Variants in AKT3 observed in about 807,000 individuals in gnomAD.
AKT3 encodes AKT serine/threonine kinase 3, also known as RAC-gamma serine/threonine-protein kinase.
A neutral mutation model predicts 65.3 loss-of-function variants in AKT3; 15 were observed. The observed-to-expected ratio is 0.23, with a 90% CI of 0.15 to 0.35. The LOEUF (loss-of-function observed/expected upper bound fraction) is 0.35. Ranked by LOEUF, AKT3 falls within the 10% of genes least tolerant of loss-of-function variation. The probability of loss-of-function intolerance (pLI) is 1.00; values close to 1 mark genes in which losing one functional copy is unlikely to be tolerated. For synonymous variants in AKT3, 206 were observed against 183.8 expected, an observed-to-expected ratio of 1.12 and a Z score of -0.98; for missense variants, 243 against 576.5, an observed-to-expected ratio of 0.42 and a Z score of 5.92.
At chr1:243,740,875 G>A (rs1419396234) in intron 2 of AKT3, 1 of 152,088 alleles carries the variant, frequency 6.6e-6, no homozygotes, top group Non-Finnish European at 1.5e-5. Context: ...AGGCCAGGTA[G>A]GAAAGAATGA....
intron 2 of AKT3, among the ~76,000 whole-genome samples, chr1:243,794,053 G>C (rs1018323288): frequency 2.6e-5 from 4 of 152,146 alleles, no homozygotes; most frequent in African/African-American, 9.7e-5. Flanking sequence ...TTTTGAGACA[G>C]GGTCTCATTC....
At chr1:243,491,873 C>T (rs189100506) in intron 13 of AKT3, among the ~76,000 whole-genome samples, 2 of 152,254 alleles carry the variant, frequency 1.3e-5, no homozygotes, top group African/African-American at 2.4e-5. Context: ...TAAAGGCTTC[C>T]GTTTTCTCAG....
At chr1:243,506,377 A>G (rs1669669043) in intron 13 of AKT3, among the ~76,000 whole-genome samples, 1 of 152,212 alleles carries the variant, frequency 6.6e-6, no homozygotes, top group Non-Finnish European at 1.5e-5. Flanking sequence ...CCTCAAACCC[A>G]TATAGGAAGT....
chr1:243,499,198 G>A (rs183662568), downstream of AKT3, among the ~76,000 whole-genome samples: 8 of 152,186 alleles, frequency 5.3e-5, no homozygotes, highest in Non-Finnish European at 1.0e-4. Flanking sequence ...GTAAAACTAA[G>A]AGACCTCAGT....
At chr1:243,812,212 A>C (rs1693206524) in intron 2 of AKT3, among the ~76,000 whole-genome samples, 1 of 152,222 alleles carries the variant, frequency 6.6e-6, no homozygotes, top group African/African-American at 2.4e-5. Flanking sequence ...CAGCAAAAGA[A>C]ACTACCATCA....
At chr1:243,716,038 C>T (rs1686493233) in intron 2 of AKT3, among the ~76,000 whole-genome samples, 1 of 152,072 alleles carries the variant, frequency 6.6e-6, no homozygotes, top group South Asian at 2.1e-4. Context: ...TTGATTATAT[C>T]AATGACAACA....
At chr1:243,783,287 T>C (rs1403304796) in intron 2 of AKT3, among the ~76,000 whole-genome samples, 1 of 152,132 alleles carries the variant, frequency 6.6e-6, no homozygotes, top group Non-Finnish European at 1.5e-5. Flanking sequence ...GAGCTAGAAA[T>C]GGAGTTGATC....
chr1:243,560,167 C>T (rs1287177794), intron 10 of AKT3, among the ~76,000 whole-genome samples: 3 of 152,138 alleles, frequency 2.0e-5, no homozygotes, highest in Non-Finnish European at 4.4e-5. Flanking sequence ...TTTCCTTCCA[C>T]TCCACTGTAT....
rs1193523598 is a variant in AKT3 at position 243,795,449 on chromosome 1, G to GTTT, written c.46+47673_46+47675dup. On this transcript the variant is annotated intron_variant, in intron 2 of 13. Transcript: ENST00000673466. The stretch of plus-strand genomic sequence containing the variant: ...GGCGTAGGTTTCCCTTGATCTCCTT[G>GTTT]TTTTTTTTTTTTGTTTTTTTTTTTT... 3.8e-3 allele frequency among the ~76,000 whole-genome samples: 359 copies of GTTT among 93,364 alleles called. 3 individuals are homozygous for GTTT. The highest frequency in any genetic ancestry group is 7.3e-3 in the African/African-American group (149 of 20,340). 61.3% of individuals were successfully genotyped at this position (93,364 alleles called of 152,430 possible).
At chr1:243,707,869 T>C (rs569937071) in intron 2 of AKT3, among the ~76,000 whole-genome samples, 28 of 152,232 alleles carry the variant, frequency 1.8e-4, no homozygotes, top group African/African-American at 6.5e-4. Flanking sequence ...ACTTCTAGTA[T>C]ATTTATACAT....
intron 5 of AKT3, among the ~76,000 whole-genome samples, chr1:243,638,605 T>C (rs2147815571): frequency 6.6e-6 from 1 of 152,306 alleles, no homozygotes; most frequent in African/African-American, 2.4e-5. Flanking sequence ...TTAATAGGTT[T>C]TTGAAGAGAA....
intron 1 of AKT3, among the ~76,000 whole-genome samples, chr1:243,843,764 G>T (rs2148478950): frequency 6.6e-6 from 1 of 150,826 alleles, no homozygotes; most frequent in South Asian, 2.1e-4. Flanking sequence ...CGATTCTTCT[G>T]CCTCAGCCTC....
chr1:243,682,180 G>A (rs114143228), intron 3 of AKT3, among the ~76,000 whole-genome samples: 2,874 of 151,830 alleles, frequency 0.019, 37 homozygotes, highest in Admixed American at 0.037. Flanking sequence ...GTTTAATAAG[G>A]TCATAAAAAA....
rs1669371936 is a variant in AKT3 at position 243,502,397 on chromosome 1, C to T, written c.*2852G>A. On this transcript the variant is annotated 3_prime_UTR_variant, in exon 14 of 14. Coordinates refer to ENST00000673466, the MANE Select transcript of AKT3 (RefSeq NM_005465.7). ...AATTAGTGTAGAAAGCAAAGCTGAGCGCGACCCTGCCAACCATCTAAGCAG... is the reference window on the plus strand; with the variant it reads ...AATTAGTGTAGAAAGCAAAGCTGAGTGCGACCCTGCCAACCATCTAAGCAG... 3 of 233,040 alleles carry T rather than the reference C, an allele frequency of 1.3e-5. No individual in the cohort carries two copies. Among genetic ancestry groups the T allele is most frequent in the East Asian group, 6.0e-5 (1 of 16,556 alleles). 14.4% of individuals were successfully genotyped at this position (233,040 alleles called of 1,614,324 possible).
chr1:243,843,467 C>T, intron 1 of AKT3, 185 bp from the exon 2 acceptor site: 1 of 1,082,444 alleles, frequency 9.2e-7, no homozygotes, highest in Non-Finnish European at 1.1e-6. Context: ...AGTCTTGTGA[C>T]CAATTTCAAA....
chr1:243,712,995 A>C (rs1686256182), intron 2 of AKT3, among the ~76,000 whole-genome samples: 1 of 152,232 alleles, frequency 6.6e-6, no homozygotes. Context: ...TTACTATATA[A>C]CTTTGTTTCA....
intron 2 of AKT3, among the ~76,000 whole-genome samples, chr1:243,779,782 C>A (rs4132509): frequency 0.23 from 34,947 of 151,814 alleles, 4,381 homozygotes; most frequent in East Asian, 0.32. Flanking sequence ...AAGTATATGA[C>A]GAGACTGGAA....
chr1:243,545,964 T>C (rs754543945), intron 11 of AKT3, among the ~76,000 whole-genome samples: 2 of 152,124 alleles, frequency 1.3e-5, no homozygotes, highest in African/African-American at 2.4e-5. Flanking sequence ...AGAAACAACA[T>C]AGGAATATGG....
intron 2 of AKT3, among the ~76,000 whole-genome samples, chr1:243,788,127 C>A (rs1298976581): frequency 6.6e-6 from 1 of 152,076 alleles, no homozygotes; most frequent in Non-Finnish European, 1.5e-5. Flanking sequence ...TTGAGGAATA[C>A]CTACCTGCTA....
Sources: gnomAD v4.1 joint callset for allele counts (sites outside exome capture counted in the v4.1 genomes callset) on GRCh38, gnomAD v4.1.1 for gene constraint, MANE v1.5 for transcripts, NCBI Gene and HGNC (gene_info 2026-07-23, HGNC 2026-07-21) for gene names.